The following STK39 variants were observed in gnomAD, a reference collection of about 807,000 sequenced individuals.
STK39 encodes the protein STE20/SPS1-related proline-alanine-rich protein kinase.
STK39 carries 20 observed loss-of-function variants against 77.8 expected under a neutral mutation model. The observed-to-expected ratio is 0.26, with a 90% CI of 0.18 to 0.37. The LOEUF (loss-of-function observed/expected upper bound fraction) is 0.37, where lower values mean the gene tolerates loss of function less well. Among genes scored for constraint, STK39 ranks in the 10% least tolerant of loss-of-function variants. STK39 has a pLI of 1.00. For synonymous variants in STK39, 246 were observed against 234.1 expected (o/e 1.05, Z -0.47); for missense variants, 479 against 656.5 (o/e 0.73, Z 2.95).
rs142251590 is a variant in STK39, at chr2:168,084,246, C to T, written c.1090-9015G>A. On this transcript the variant is annotated intron_variant, in intron 10 of 17. Coordinates refer to ENST00000355999, the MANE Select transcript of STK39 (RefSeq NM_013233.3). ...AAGCAGAGCAGAGGATGTGCTAGGA[C>T]TTGAGGATAACAAAGGCCTGAAAGA... 1.9e-3 allele frequency among the ~76,000 whole-genome samples: 290 copies of T among 152,238 alleles called. 3 individuals carry two copies. The highest frequency in any genetic ancestry group is 6.8e-3 in the African/African-American group (281 of 41,532).
intron 16 of STK39, among the ~76,000 whole-genome samples, chr2:167,979,539 G>T (rs555356010): frequency 6.6e-6 from 1 of 152,344 alleles, no homozygotes; most frequent in South Asian, 2.1e-4. Context: ...TTAGGTAGAA[G>T]CCTCTTTCTA....
intron 17 of STK39, among the ~76,000 whole-genome samples, chr2:167,963,985 A>T (rs1172738595): frequency 3.3e-5 from 5 of 152,152 alleles, no homozygotes; most frequent in Admixed American, 6.5e-5. Flanking sequence ...TTTTTGGAAA[A>T]CGGTCACTTT....
chr2:168,112,710 G>T (rs572644771), intron 10 of STK39, among the ~76,000 whole-genome samples: 99 of 152,256 alleles, frequency 6.5e-4, no homozygotes, highest in Non-Finnish European at 1.1e-3. Flanking sequence ...ATGGTTCACA[G>T]AATTTTAATA....
intron 5 of STK39, among the ~76,000 whole-genome samples, chr2:168,153,746 T>G (rs946101991): frequency 2.0e-5 from 3 of 151,998 alleles, no homozygotes; most frequent in Non-Finnish European, 4.4e-5. Flanking sequence ...GAACGGCCCA[T>G]GCAAAGATCC....
intron 1 of STK39, among the ~76,000 whole-genome samples, chr2:168,188,547 T>C (rs1689263103): frequency 6.6e-6 from 1 of 152,244 alleles, no homozygotes. Context: ...CCTTCCTTAC[T>C]TGATGGTCCC....
intron 12 of STK39, among the ~76,000 whole-genome samples, chr2:168,065,586 T>C (rs1177481626): frequency 6.6e-6 from 1 of 152,182 alleles, no homozygotes; most frequent in Non-Finnish European, 1.5e-5. Flanking sequence ...GGCCTGTGAC[T>C]CAGAATTCCA....
intron 10 of STK39, among the ~76,000 whole-genome samples, chr2:168,082,963 G>A (rs532956644): frequency 1.3e-5 from 2 of 152,154 alleles, no homozygotes; most frequent in African/African-American, 4.8e-5. Flanking sequence ...GTCATATAAT[G>A]CTCCTAACAT....
At chr2:168,073,322 T>A (rs998693741) in intron 12 of STK39, among the ~76,000 whole-genome samples, 19 of 152,336 alleles carry the variant, frequency 1.2e-4, no homozygotes, top group Non-Finnish European at 2.5e-4. Context: ...ATGGATATCG[T>A]CCAATGAAGA....
At chr2:168,247,151 G>A in intron 1 of STK39, 77 bp downstream of exon 1, 1 of 1,020,622 alleles carries the variant, frequency 9.8e-7, no homozygotes, top group South Asian at 3.7e-5. Context: ...ATGCAGGCTA[G>A]CCCAGCATCC....
chr2:168,179,908 G>A (rs1447437427), intron 2 of STK39, among the ~76,000 whole-genome samples: 1 of 152,226 alleles, frequency 6.6e-6, no homozygotes, highest in Non-Finnish European at 1.5e-5. Flanking sequence ...GGGCTTGGTA[G>A]AAACCAGAGA....
rs575875650 is a variant in STK39 at position 168,030,021 on chromosome 2, A to C, written c.1377-12926T>G. Among the ~76,000 whole-genome samples the C allele has an allele frequency of 1.3e-4, 20 of 152,292 alleles. No homozygotes were observed. In the South Asian group the frequency reaches 4.1e-3, roughly 32 times the overall value. On this transcript the variant is annotated intron_variant, in intron 14 of 17. Coordinates refer to ENST00000355999, the MANE Select transcript of STK39 (RefSeq NM_013233.3). ...TTTGGGAGGCCGAGGTGGGCGGATC[A>C]CGAGGTCAGGAGATAGAGACCATCC...
chr2:168,082,156 C>T (rs1461418349), intron 10 of STK39, among the ~76,000 whole-genome samples: 1 of 152,120 alleles, frequency 6.6e-6, no homozygotes, highest in Non-Finnish European at 1.5e-5. Flanking sequence ...CCTCATGTAT[C>T]TATTCACTTA....
At chr2:167,995,665 TAAG>T (rs1489772768) in intron 16 of STK39, among the ~76,000 whole-genome samples, 1 of 152,170 alleles carries the variant, frequency 6.6e-6, no homozygotes, top group Non-Finnish European at 1.5e-5. Context: ...AAAGGTACAT[TAAG>T]AAGAAGAGAT....
intron 16 of STK39, among the ~76,000 whole-genome samples, chr2:168,002,965 T>C (rs1056261699): frequency 2.0e-5 from 3 of 152,170 alleles, no homozygotes; most frequent in Admixed American, 6.5e-5. Context: ...AAGAGTTCAA[T>C]TGCTGAATAT....
intron 3 of STK39, among the ~76,000 whole-genome samples, chr2:168,166,181 A>C (rs1054419264): frequency 6.6e-6 from 1 of 152,214 alleles, no homozygotes; most frequent in Admixed American, 6.5e-5. Flanking sequence ...AATTTGGTGT[A>C]ATTTCTGAAA....
intron 16 of STK39, among the ~76,000 whole-genome samples, chr2:168,007,717 C>A (rs1246416105): frequency 1.3e-5 from 2 of 152,006 alleles, no homozygotes; most frequent in South Asian, 2.1e-4. Flanking sequence ...GCAAGTTCAA[C>A]AGCCGGGGTG....
At chr2:168,244,891 A>G in intron 1 of STK39, among the ~76,000 whole-genome samples, 1 of 152,184 alleles carries the variant, frequency 6.6e-6, no homozygotes, top group Non-Finnish European at 1.5e-5. Context: ...TTTTCCACTA[A>G]ACTGACCAAC....
intron 10 of STK39, among the ~76,000 whole-genome samples, chr2:168,080,549 G>A (rs2105414354): frequency 6.6e-6 from 1 of 152,040 alleles, no homozygotes; most frequent in East Asian, 1.9e-4. Context: ...AGAATGACGT[G>A]AACCTGGGAG....
intron 10 of STK39, among the ~76,000 whole-genome samples, chr2:168,105,869 T>G (rs1195126020): frequency 6.6e-6 from 1 of 152,202 alleles, no homozygotes; most frequent in Admixed American, 6.5e-5. Context: ...AGATAAGAAC[T>G]CTTGTGTTCC....
Sources: gnomAD v4.1 joint callset for allele counts (sites outside exome capture counted in the v4.1 genomes callset) on GRCh38, gnomAD v4.1.1 for gene constraint, MANE v1.5 for transcripts, NCBI Gene and HGNC (gene_info 2026-07-23, HGNC 2026-07-21) for gene names.